HEMK2: variants seen among roughly 807,000 people sequenced by gnomAD.
The protein encoded by HEMK2 is HemK methyltransferase 2, ETF1 glutamine and histone H4 lysine.
chr21:28,862,637 C>T, the HEMK2 span, among the ~76,000 whole-genome samples: 39 of 120,452 alleles, frequency 3.2e-4, 4 homozygotes, highest in African/African-American at 1.6e-3. Context: ...CAGAGCGAGA[C>T]TCCGTCTCAA....
At chr21:28,601,252 G>A in the HEMK2 span, among the ~76,000 whole-genome samples, 3 of 152,080 alleles carry the variant, frequency 2.0e-5, no homozygotes, top group South Asian at 2.1e-4. Context: ...CTCACTGGGC[G>A]CAAACCTCCA....
chr21:28,759,891 T>C, the HEMK2 span, among the ~76,000 whole-genome samples: 1 of 152,102 alleles, frequency 6.6e-6, no homozygotes, highest in Non-Finnish European at 1.5e-5. Context: ...AATTACCCAG[T>C]CTCGGATATG....
chr21:28,761,020 A>T, the HEMK2 span, among the ~76,000 whole-genome samples: 1 of 152,124 alleles, frequency 6.6e-6, no homozygotes, highest in African/African-American at 2.4e-5. Flanking sequence ...ACATAATCAG[A>T]AAAAAATAAT....
chr21:28,856,537 C>T, the HEMK2 span, among the ~76,000 whole-genome samples: 5 of 152,176 alleles, frequency 3.3e-5, no homozygotes, highest in Non-Finnish European at 5.9e-5. Flanking sequence ...GCACCTCTCA[C>T]AGAGAAGAAT....
chr21:28,772,852 T>G, the HEMK2 span, among the ~76,000 whole-genome samples: 1 of 151,010 alleles, frequency 6.6e-6, no homozygotes, highest in Admixed American at 6.6e-5. Flanking sequence ...GTCTCTGTCT[T>G]TCTTCTTTAA....
At chr21:28,758,086 T>C in the HEMK2 span, among the ~76,000 whole-genome samples, 2 of 152,194 alleles carry the variant, frequency 1.3e-5, no homozygotes, top group African/African-American at 2.4e-5. Context: ...CTTAGCCATA[T>C]GGAAGAGTTG....
At chr21:28,615,345 C>T in the HEMK2 span, among the ~76,000 whole-genome samples, 1 of 151,682 alleles carries the variant, frequency 6.6e-6, no homozygotes, top group Non-Finnish European at 1.5e-5. Flanking sequence ...CCCCCTCCTC[C>T]TCTTCCTTCT....
chr21:28,723,980 C>T, the HEMK2 span, among the ~76,000 whole-genome samples: 1 of 152,086 alleles, frequency 6.6e-6, no homozygotes, highest in African/African-American at 2.4e-5. Flanking sequence ...CCAACTGACA[C>T]CAAGGCCTCA....
chr21:28,722,841 G>T, the HEMK2 span, among the ~76,000 whole-genome samples: 1 of 152,080 alleles, frequency 6.6e-6, no homozygotes, highest in African/African-American at 2.4e-5. Context: ...CCAAGGTCGC[G>T]CCATTGCACT....
At chr21:28,755,878 A>G in the HEMK2 span, among the ~76,000 whole-genome samples, 1 of 152,218 alleles carries the variant, frequency 6.6e-6, no homozygotes, top group Admixed American at 6.5e-5. Flanking sequence ...CTATATGCAT[A>G]TACCCTTATA....
At chr21:28,717,480 C>CTTTTT in the HEMK2 span, among the ~76,000 whole-genome samples, 3,642 of 117,208 alleles carry the variant, frequency 0.031, 280 homozygotes, top group African/African-American at 0.058. Context: ...TCATTTTAGT[C>CTTTTT]TTTTTTTTTT....
At chr21:28,802,246 A>T in the HEMK2 span, among the ~76,000 whole-genome samples, 1 of 152,214 alleles carries the variant, frequency 6.6e-6, no homozygotes, top group Admixed American at 6.5e-5. Context: ...ATCTCCAAGA[A>T]ATACTAAGTG....
chr21:28,838,972 A>AAAAAAAAAAAATATATATATAT, the HEMK2 span, among the ~76,000 whole-genome samples: 2 of 29,164 alleles, frequency 6.9e-5, no homozygotes, highest in Non-Finnish European at 1.1e-4. Context: ...AAAAAAAAAA[A>AAAAAAAAAAAATATATATATAT]ATATATATAT....
At chr21:28,736,478 G>A in the HEMK2 span, among the ~76,000 whole-genome samples, 3 of 152,290 alleles carry the variant, frequency 2.0e-5, no homozygotes, top group African/African-American at 4.8e-5. Flanking sequence ...TTCAGTGGCC[G>A]GACGCGGTGG....
the HEMK2 span, among the ~76,000 whole-genome samples, chr21:28,640,229 C>T: frequency 1.4e-4 from 21 of 152,208 alleles, no homozygotes; most frequent in Admixed American, 7.9e-4. Flanking sequence ...GAGTAGCAGA[C>T]GCAAGTAGGA....
the HEMK2 span, among the ~76,000 whole-genome samples, chr21:28,739,773 G>A: frequency 1.3e-5 from 2 of 152,162 alleles, no homozygotes; most frequent in Non-Finnish European, 2.9e-5. Context: ...CATTTTAAGT[G>A]CTCAAAAGCA....
At chr21:28,828,774 A>G in the HEMK2 span, among the ~76,000 whole-genome samples, 1 of 152,164 alleles carries the variant, frequency 6.6e-6, no homozygotes, top group Non-Finnish European at 1.5e-5. Flanking sequence ...GCCACCTAAC[A>G]CTTTACGAAT....
the HEMK2 span, among the ~76,000 whole-genome samples, chr21:28,722,007 C>T: frequency 7.4e-4 from 112 of 151,388 alleles, no homozygotes; most frequent in Non-Finnish European, 1.3e-3. Flanking sequence ...GAAATCATAG[C>T]TTATGCCTCA....
the HEMK2 span, among the ~76,000 whole-genome samples, chr21:28,822,893 T>C: frequency 6.6e-6 from 1 of 152,130 alleles, no homozygotes; most frequent in Non-Finnish European, 1.5e-5. Flanking sequence ...CATTCACCCC[T>C]TCTAATGTGT....
Sources: gnomAD v4.1 joint callset for allele counts (sites outside exome capture counted in the v4.1 genomes callset) on GRCh38, gnomAD v4.1.1 for gene constraint, MANE v1.5 for transcripts, NCBI Gene and HGNC (gene_info 2026-07-23, HGNC 2026-07-21) for gene names.